Variants in GSE1 observed in about 807,000 individuals in gnomAD.
GSE1 encodes genetic suppressor element 1.
GSE1 carries 32 observed loss-of-function variants against 112.6 expected under a neutral mutation model. The observed-to-expected ratio is 0.28, with a 90% CI of 0.21 to 0.38. The LOEUF is 0.38. Ranked by LOEUF, GSE1 falls within the 10% of genes least tolerant of loss-of-function variation. The pLI is 1.00. For missense variants in GSE1, 2,348 were observed against 1,699.2 expected (o/e 1.38, Z -6.71); for synonymous variants, 1,115 against 735.6 (o/e 1.52, Z -8.35).
chr16:85,239,743 C>G (rs533012844), intron 1 of GSE1, among the ~76,000 whole-genome samples: 112 of 152,336 alleles, frequency 7.4e-4, no homozygotes, highest in African/African-American at 2.5e-3. Flanking sequence ...GTTGGGGGTC[C>G]CACCGGGGCT....
intron 2 of GSE1, among the ~76,000 whole-genome samples, chr16:85,637,593 C>T (rs542706699): frequency 2.9e-4 from 44 of 152,090 alleles, no homozygotes; most frequent in Non-Finnish European, 5.9e-4. Flanking sequence ...GGCGGGCTCG[C>T]TGTGCTTCTC....
At chr16:85,642,917 G>A (rs1017844886) in intron 2 of GSE1, among the ~76,000 whole-genome samples, 2 of 152,108 alleles carry the variant, frequency 1.3e-5, no homozygotes, top group African/African-American at 4.8e-5. Flanking sequence ...GTGAGGCCAC[G>A]CCCGCCTCGG....
chr16:85,656,397 G>C lies in GSE1; in HGVS notation c.1044G>C (p.Glu348Asp). 2.0e-6 allele frequency: 3 copies of C among 1,464,356 alleles called. No homozygotes were observed. The highest frequency in any genetic ancestry group is 2.8e-6 in the Non-Finnish European group (3 of 1,086,062). 90.7% of individuals were successfully genotyped at this position (1,464,356 alleles called of 1,614,324 possible). ...AGAGGGAGCGCGAGCGCGAGCGCGA[G>C]CGTGAGCGTGAGGCTGACCGCGAGC... ...RRERERERER[E>D]REREADRERE... The change falls in exon 7 of 16, where the codon GAG (glutamate) becomes GAC (aspartate). Residue 348 changes from glutamate (E) to aspartate (D), a missense_variant. Transcript: ENST00000253458.
chr16:85,634,895 G>A (rs1453024513), intron 2 of GSE1, among the ~76,000 whole-genome samples: 3 of 152,188 alleles, frequency 2.0e-5, no homozygotes, highest in Non-Finnish European at 4.4e-5. Context: ...GAGCTGCTGG[G>A]GGCCTTGGCC....
chr16:85,254,228 C>T (rs771216778), intron 1 of GSE1, among the ~76,000 whole-genome samples: 2 of 152,136 alleles, frequency 1.3e-5, no homozygotes, highest in African/African-American at 4.8e-5. Context: ...TCACACAGCC[C>T]GTTGGCAGAG....
At chr16:85,263,345 C>A (rs1907909870) in intron 1 of GSE1, among the ~76,000 whole-genome samples, 1 of 151,942 alleles carries the variant, frequency 6.6e-6, no homozygotes, top group Non-Finnish European at 1.5e-5. Context: ...CATCAGAGGC[C>A]CCCAGAGAGC....
In GSE1 at chr16:85,342,513, G is replaced by A. The variant is rs1300620516; in HGVS notation, c.2284-14950G>A. Among the ~76,000 whole-genome samples the A allele has an allele frequency of 3.3e-5, 5 of 152,226 alleles. No homozygotes were observed. In the East Asian group the frequency reaches 5.9e-4, roughly 18 times the overall value. On this transcript the variant is annotated intron_variant, in intron 1 of 2. Coordinates refer to the GSE1 transcript ENST00000637419. ...CACGCTTGAGCTGAGAGCTCAGGGCGTGGGCCTCGGCAGCCCCACCAGCCC... is the reference window on the plus strand; with the variant it reads ...CACGCTTGAGCTGAGAGCTCAGGGCATGGGCCTCGGCAGCCCCACCAGCCC...
chr16:85,445,685 C>T (rs1567492982), intron 2 of GSE1, among the ~76,000 whole-genome samples: 1 of 152,332 alleles, frequency 6.6e-6, no homozygotes, highest in Non-Finnish European at 1.5e-5. Context: ...CCTTGCAAGG[C>T]CTGGCCTCTC....
At chr16:85,306,063 T>C (rs1041755391) in intron 1 of GSE1, among the ~76,000 whole-genome samples, 8 of 151,932 alleles carry the variant, frequency 5.3e-5, no homozygotes, top group African/African-American at 1.7e-4. Flanking sequence ...TGCACTCCAG[T>C]CTGGGTGACA....
intron 2 of GSE1, among the ~76,000 whole-genome samples, chr16:85,473,311 A>C (rs375944195): frequency 2.0e-5 from 3 of 152,098 alleles, no homozygotes; most frequent in African/African-American, 7.2e-5. Context: ...AAACCAAGTT[A>C]GTGCAGGGGC....
intron 1 of GSE1, among the ~76,000 whole-genome samples, chr16:85,349,728 A>G (rs539236064): frequency 5.5e-4 from 84 of 152,282 alleles, no homozygotes; most frequent in African/African-American, 1.9e-3. Flanking sequence ...TTGTGTTGTC[A>G]GGATGCTGGC....
chr16:85,261,920 G>C (rs371701424), intron 1 of GSE1, among the ~76,000 whole-genome samples: 2 of 152,270 alleles, frequency 1.3e-5, no homozygotes, highest in East Asian at 3.9e-4. Context: ...TGTGTATCCT[G>C]AGATATGTGT....
intron 2 of GSE1, among the ~76,000 whole-genome samples, chr16:85,439,607 G>A (rs964866976): frequency 3.3e-5 from 5 of 152,176 alleles, no homozygotes; most frequent in African/African-American, 1.2e-4. Flanking sequence ...CTGTGTCAGT[G>A]GGGGGTGGGC....
chr16:85,211,529 C>T (rs914113015), intron 1 of GSE1, among the ~76,000 whole-genome samples: 8 of 152,184 alleles, frequency 5.3e-5, no homozygotes, highest in Non-Finnish European at 5.9e-5. Flanking sequence ...GTCATCCATA[C>T]GGCGAGGCGG....
At chr16:85,613,187 G>A (rs548572099), upstream of GSE1, 3 of 1,418,318 alleles carry the variant, frequency 2.1e-6, no homozygotes, top group Admixed American at 9.2e-5. Context: ...CCAGTGGCCC[G>A]GGAGTGGGCG....
chr16:85,509,679 G>A (rs144745058), intron 2 of GSE1, among the ~76,000 whole-genome samples: 14 of 152,244 alleles, frequency 9.2e-5, no homozygotes, highest in Admixed American at 3.3e-4. Flanking sequence ...AACAAGAGCC[G>A]AATGGCCATG....
At chr16:85,554,107 G>C (rs2045074679), upstream of GSE1, among the ~76,000 whole-genome samples, 1 of 151,702 alleles carries the variant, frequency 6.6e-6, no homozygotes, top group Admixed American at 6.6e-5. Flanking sequence ...AGGTAAAAGG[G>C]CTTGAAAATA....
At chr16:85,297,756 C>T (rs1403335384) in intron 1 of GSE1, among the ~76,000 whole-genome samples, 1 of 152,212 alleles carries the variant, frequency 6.6e-6, no homozygotes, top group Non-Finnish European at 1.5e-5. Flanking sequence ...AGGGATCCTC[C>T]CACCTTGGCC....
chr16:85,314,949 G>T (rs2045956603), intron 1 of GSE1, among the ~76,000 whole-genome samples: 2 of 152,244 alleles, frequency 1.3e-5, no homozygotes. Flanking sequence ...TGACCTCACA[G>T]GAACACCCAG....
Sources: gnomAD v4.1 joint callset for allele counts (sites outside exome capture counted in the v4.1 genomes callset) on GRCh38, gnomAD v4.1.1 for gene constraint, MANE v1.5 for transcripts, NCBI Gene and HGNC (gene_info 2026-07-23, HGNC 2026-07-21) for gene names.